Variants in SEMA6D observed in about 807,000 individuals in gnomAD.
The protein encoded by SEMA6D is semaphorin 6D.
Under a neutral mutation model 106.6 loss-of-function variants are expected in SEMA6D, and 35 were observed. That is an observed-to-expected ratio of 0.33 (90% CI 0.25 to 0.44). The LOEUF is 0.44. Among genes scored for constraint, SEMA6D ranks in the 20% least tolerant of loss-of-function variants. SEMA6D has a pLI of 1.00. For synonymous variants in SEMA6D, 499 were observed against 487.7 expected (o/e 1.02, Z -0.31); for missense variants, 1,185 against 1,345.9 (o/e 0.88, Z 1.87).
Position 47,764,867 on chromosome 15 carries a change from C to T in SEMA6D, c.1254-16C>T. The stretch of plus-strand genomic sequence containing the variant: ...CGTTGGCCTCCCCTTCTGATCTGTG[C>T]CGCCTCCTCTTGTAGGTACAGACTG... On this transcript the variant is annotated splice_polypyrimidine_tract_variant and intron_variant, in intron 12 of 18. Transcript: ENST00000536845. The T allele has an allele frequency of 1.9e-6, 3 of 1,613,594 alleles. No individual in the cohort carries two copies. Among genetic ancestry groups the T allele is most frequent in the Non-Finnish European group, 2.5e-6 (3 of 1,179,678 alleles).
intron 1 of SEMA6D, among the ~76,000 whole-genome samples, chr15:47,361,158 C>T (rs1567025735): frequency 6.6e-6 from 1 of 152,214 alleles, no homozygotes; most frequent in East Asian, 1.9e-4. Context: ...GAGCCCAGAG[C>T]CTGTCAGTTC....
intron 1 of SEMA6D, among the ~76,000 whole-genome samples, chr15:47,723,653 TTCTC>T (rs2079554691): frequency 1.3e-5 from 2 of 152,322 alleles, no homozygotes; most frequent in South Asian, 4.1e-4. Flanking sequence ...TGTTGAGAAA[TTCTC>T]TCTCATGCAT....
intron 1 of SEMA6D, among the ~76,000 whole-genome samples, chr15:47,747,688 G>T (rs530846512): frequency 6.6e-6 from 1 of 151,976 alleles, no homozygotes; most frequent in Non-Finnish European, 1.5e-5. Flanking sequence ...TACCACCTGC[G>T]CTTTTTTCTC....
chr15:47,482,876 CTA>C (rs1362336857), intron 3 of SEMA6D, among the ~76,000 whole-genome samples: 4 of 152,044 alleles, frequency 2.6e-5, no homozygotes, highest in Non-Finnish European at 4.4e-5. Flanking sequence ...AGGTTGATAA[CTA>C]TTATTTCAAC....
intron 4 of SEMA6D, among the ~76,000 whole-genome samples, chr15:47,611,421 T>C (rs948523038): frequency 2.6e-5 from 4 of 152,210 alleles, no homozygotes; most frequent in African/African-American, 9.7e-5. Flanking sequence ...TTTTTAAGAT[T>C]TGGGAAAATA....
intron 3 of SEMA6D, among the ~76,000 whole-genome samples, chr15:47,584,870 C>T (rs1596367190): frequency 1.3e-5 from 2 of 152,150 alleles, no homozygotes; most frequent in African/African-American, 4.8e-5. Flanking sequence ...AAGCAATCAC[C>T]TTGCTCCAGG....
intron 1 of SEMA6D, among the ~76,000 whole-genome samples, chr15:47,728,113 G>A (rs559755111): frequency 6.6e-6 from 1 of 152,264 alleles, no homozygotes; most frequent in South Asian, 2.1e-4. Context: ...ATGAAGCTGG[G>A]AGCATACTGC....
intron 3 of SEMA6D, among the ~76,000 whole-genome samples, chr15:47,515,399 A>T (rs1010170930): frequency 2.6e-5 from 4 of 152,184 alleles, no homozygotes; most frequent in Non-Finnish European, 5.9e-5. Context: ...GCCCCCTTCC[A>T]TGAAAGTCAA....
intron 4 of SEMA6D, among the ~76,000 whole-genome samples, chr15:47,701,792 G>T (rs2078818067): frequency 6.6e-6 from 1 of 152,132 alleles, no homozygotes; most frequent in African/African-American, 2.4e-5. Flanking sequence ...ATGGCTAATG[G>T]TATGAAATGC....
At chr15:47,645,535 T>C (rs1239142719) in intron 4 of SEMA6D, among the ~76,000 whole-genome samples, 1 of 152,010 alleles carries the variant, frequency 6.6e-6, no homozygotes, top group African/African-American at 2.4e-5. Flanking sequence ...TCTTCTCACT[T>C]ACACAACTCA....
intron 4 of SEMA6D, among the ~76,000 whole-genome samples, chr15:47,615,265 A>C (rs2076986459): frequency 6.6e-6 from 1 of 152,246 alleles, no homozygotes; most frequent in Non-Finnish European, 1.5e-5. Context: ...AGGCATTAGA[A>C]GTAATCGACA....
chr15:47,306,137 A>T (rs1016460627), intron 1 of SEMA6D, among the ~76,000 whole-genome samples: 1 of 151,968 alleles, frequency 6.6e-6, no homozygotes, highest in African/African-American at 2.4e-5. Flanking sequence ...ACACACCACC[A>T]TGCCCAACTA....
At chr15:47,701,724 C>A (rs537882729) in intron 4 of SEMA6D, among the ~76,000 whole-genome samples, 1 of 152,110 alleles carries the variant, frequency 6.6e-6, no homozygotes, top group East Asian at 1.9e-4. Flanking sequence ...TGTAGCATAG[C>A]GAAAATTTCC....
intron 3 of SEMA6D, among the ~76,000 whole-genome samples, chr15:47,540,052 G>T (rs1450162996): frequency 6.6e-6 from 1 of 151,966 alleles, no homozygotes; most frequent in East Asian, 1.9e-4. Flanking sequence ...AGCTGTGTGT[G>T]TGTGTGTGTT....
At chr15:47,579,130 A>G (rs1304913666) in intron 3 of SEMA6D, among the ~76,000 whole-genome samples, 1 of 128,154 alleles carries the variant, frequency 7.8e-6, no homozygotes, top group Non-Finnish European at 1.6e-5. Flanking sequence ...TTGAGTGTCC[A>G]GAAATCTGTA....
At chr15:47,510,048 G>A (rs918474558) in intron 3 of SEMA6D, among the ~76,000 whole-genome samples, 3 of 151,982 alleles carry the variant, frequency 2.0e-5, no homozygotes, top group South Asian at 2.1e-4. Context: ...CTTCATAAAT[G>A]CTTTTAAGAC....
chr15:47,307,648 A>G (rs2143008422), intron 1 of SEMA6D, among the ~76,000 whole-genome samples: 1 of 152,298 alleles, frequency 6.6e-6, no homozygotes. Context: ...CACTAGGAGC[A>G]GTGTTCATTC....
At chr15:47,386,632 T>C (rs1439708158) in intron 1 of SEMA6D, among the ~76,000 whole-genome samples, 1 of 152,158 alleles carries the variant, frequency 6.6e-6, no homozygotes, top group Non-Finnish European at 1.5e-5. Flanking sequence ...GGACCTGTCT[T>C]AGTATTTTTA....
At chr15:47,423,011 C>A (rs1893083965) in intron 2 of SEMA6D, among the ~76,000 whole-genome samples, 1 of 152,124 alleles carries the variant, frequency 6.6e-6, no homozygotes, top group Admixed American at 6.6e-5. Context: ...CTAAAACAAC[C>A]TTTAACAAAG....
Sources: gnomAD v4.1 joint callset for allele counts (sites outside exome capture counted in the v4.1 genomes callset) on GRCh38, gnomAD v4.1.1 for gene constraint, MANE v1.5 for transcripts, NCBI Gene and HGNC (gene_info 2026-07-23, HGNC 2026-07-21) for gene names.